The following TTC27 variants were observed in gnomAD, a reference collection of about 807,000 sequenced individuals.
TTC27 encodes tetratricopeptide repeat domain 27.
In TTC27, 79 loss-of-function variants were observed where a neutral mutation model predicts 115.9. The observed-to-expected ratio is 0.68, with a 90% CI of 0.57 to 0.82. The LOEUF is 0.82. Among genes scored for constraint, TTC27 ranks in the 40% least tolerant of loss-of-function variants. TTC27 has a pLI of 0.00. For missense variants in TTC27, 1,054 were observed against 993.1 expected, an observed-to-expected ratio of 1.06 and a Z score of -0.82; for synonymous variants, 401 against 356.0, an observed-to-expected ratio of 1.13 and a Z score of -1.42.
At chr2:32,756,864 T>C (rs1669250920) in intron 12 of TTC27, among the ~76,000 whole-genome samples, 1 of 152,170 alleles carries the variant, frequency 6.6e-6, no homozygotes, top group African/African-American at 2.4e-5. Flanking sequence ...TTGGTCTATG[T>C]TGAAGTTTAT....
chr2:32,760,993 A>G (rs1483800119), intron 13 of TTC27, among the ~76,000 whole-genome samples: 2 of 152,036 alleles, frequency 1.3e-5, no homozygotes, highest in Non-Finnish European at 2.9e-5. Flanking sequence ...CTGGAGCTTT[A>G]AGTTCCAACT....
chr2:32,764,804 C>T (rs898301961), intron 13 of TTC27, among the ~76,000 whole-genome samples: 2 of 152,222 alleles, frequency 1.3e-5, no homozygotes, highest in African/African-American at 2.4e-5. Flanking sequence ...AACATCTTCA[C>T]GAGGAACAAA....
chr2:32,628,774 T>C (rs1559176304), intron 1 of TTC27, among the ~76,000 whole-genome samples: 1 of 144,768 alleles, frequency 6.9e-6, no homozygotes, highest in Non-Finnish European at 1.5e-5. Flanking sequence ...TATTTATTTA[T>C]TTATTGAGAC....
chr2:32,736,130 G>A (rs765550192), intron 11 of TTC27, among the ~76,000 whole-genome samples: 2 of 152,026 alleles, frequency 1.3e-5, no homozygotes, highest in African/African-American at 2.4e-5. Flanking sequence ...TTTTAAATAT[G>A]TTTAACTTTC....
At chr2:32,682,366 C>T (rs1666461333) in intron 9 of TTC27, among the ~76,000 whole-genome samples, 1 of 152,136 alleles carries the variant, frequency 6.6e-6, no homozygotes, top group African/African-American at 2.4e-5. Context: ...GATCATATTG[C>T]AGAACATCTA....
chr2:32,771,263 A>G, intron 13 of TTC27, among the ~76,000 whole-genome samples: 1 of 152,252 alleles, frequency 6.6e-6, no homozygotes, highest in South Asian at 2.1e-4. Context: ...TTCCTGGCCC[A>G]TAGTAAGTTC....
intron 10 of TTC27, among the ~76,000 whole-genome samples, chr2:32,706,440 ATC>A (rs961722028): frequency 5.3e-5 from 8 of 151,976 alleles, no homozygotes; most frequent in Admixed American, 2.0e-4. Flanking sequence ...ATAAGTATTA[ATC>A]ATATTATTTG....
chr2:32,645,685 G>A (rs984468706), intron 4 of TTC27, among the ~76,000 whole-genome samples: 3 of 151,954 alleles, frequency 2.0e-5, no homozygotes, highest in African/African-American at 7.3e-5. Flanking sequence ...ATCTCCTAAT[G>A]CTATCCCTCC....
chr2:32,650,172 G>A lies in TTC27; in HGVS notation c.579G>A (p.Gln193=), dbSNP rs139295395. The A allele has an allele frequency of 1.1e-5, 17 of 1,613,720 alleles. No individual in the cohort carries two copies. Among genetic ancestry groups the A allele is most frequent in the Non-Finnish European group, 1.4e-5 (16 of 1,179,860 alleles). Reference sequence around the variant, plus strand: ...CTTTGAGATGTGTGAATATTCATCAGCATTTGCTTGAGGAACGCTCACCTC... The same window carrying A: ...CTTTGAGATGTGTGAATATTCATCAACATTTGCTTGAGGAACGCTCACCTC... The part of the protein sequence containing the change: ...WWTLRCVNIH[Q]HLLEERSPLL... Residue 193 remains glutamine (Q), a synonymous_variant, in exon 5 of 20, where the codon CAG becomes CAA. Coordinates refer to ENST00000317907, the MANE Select transcript of TTC27 (RefSeq NM_017735.5).
intron 13 of TTC27, among the ~76,000 whole-genome samples, chr2:32,764,061 A>T (rs1669539188): frequency 1.3e-5 from 2 of 152,222 alleles, no homozygotes; most frequent in Non-Finnish European, 2.9e-5. Flanking sequence ...TTAGCACTGA[A>T]AAAGAGAAAT....
At chr2:32,681,496 A>G (rs1222292107) in intron 9 of TTC27, among the ~76,000 whole-genome samples, 1 of 152,180 alleles carries the variant, frequency 6.6e-6, no homozygotes, top group African/African-American at 2.4e-5. Flanking sequence ...AAAAGAGTAC[A>G]AACAGCCCCC....
chr2:32,815,745 G>A (rs1671482018), intron 18 of TTC27, among the ~76,000 whole-genome samples: 1 of 152,144 alleles, frequency 6.6e-6, no homozygotes, highest in African/African-American at 2.4e-5. Flanking sequence ...TGCCATGGTG[G>A]TTACAACTTT....
intron 4 of TTC27, among the ~76,000 whole-genome samples, chr2:32,644,313 C>G (rs923017875): frequency 6.6e-6 from 1 of 150,404 alleles, no homozygotes; most frequent in Non-Finnish European, 1.5e-5. Context: ...GATCGCGCAC[C>G]GCACTCCAGC....
chr2:32,723,654 T>A (rs1299385626), intron 10 of TTC27, among the ~76,000 whole-genome samples: 1 of 151,496 alleles, frequency 6.6e-6, no homozygotes, highest in Non-Finnish European at 1.5e-5. Flanking sequence ...TGACACTTAC[T>A]CATGAAAGTA....
intron 13 of TTC27, among the ~76,000 whole-genome samples, chr2:32,766,157 C>G (rs1386577866): frequency 1.3e-5 from 2 of 152,174 alleles, no homozygotes; most frequent in Non-Finnish European, 1.5e-5. Context: ...TTAATCATTT[C>G]TAGCTTTCTT....
At chr2:32,761,640 A>G (rs1669440915) in intron 13 of TTC27, among the ~76,000 whole-genome samples, 1 of 152,020 alleles carries the variant, frequency 6.6e-6, no homozygotes, top group South Asian at 2.1e-4. Flanking sequence ...TCTGCCTGGA[A>G]TGTCCTTCTT....
At position 32,821,007 on chromosome 2, in the gene TTC27, A is replaced by T; in HGVS notation, c.*69A>T. ...GTAAAAGATACATCTGTATATCTGA[A>T]ATGCAAGATATTGATTTTTAAAATA... is the stretch of plus-strand genomic sequence containing the variant. On this transcript the variant is annotated 3_prime_UTR_variant, in exon 20 of 20. Coordinates refer to ENST00000317907, the MANE Select transcript of TTC27 (RefSeq NM_017735.5). The T allele has an allele frequency of 7.7e-7, 1 of 1,305,296 alleles. No individual in the cohort carries two copies. Among genetic ancestry groups the T allele is most frequent in the Non-Finnish European group, 1.0e-6 (1 of 1,003,330 alleles). The allele number at this position is 1,305,296 out of a possible 1,614,324, so 80.9% of individuals were successfully genotyped here.
At chr2:32,682,756 C>T (rs573187446) in intron 9 of TTC27, among the ~76,000 whole-genome samples, 1 of 151,052 alleles carries the variant, frequency 6.6e-6, no homozygotes, top group African/African-American at 2.4e-5. Context: ...GCAGCCTCCA[C>T]CTCCTGGGTT....
chr2:32,636,505 G>T (rs556319486), intron 3 of TTC27, among the ~76,000 whole-genome samples: 1 of 152,158 alleles, frequency 6.6e-6, no homozygotes, highest in Non-Finnish European at 1.5e-5. Context: ...GAGCCACTGC[G>T]CCTGGCCTTA....
Sources: allele counts gnomAD v4.1 joint callset (sites outside exome capture counted in the v4.1 genomes callset), GRCh38; gene constraint gnomAD v4.1.1; transcripts MANE v1.5; gene names NCBI Gene and HGNC (gene_info 2026-07-23, HGNC 2026-07-21).